PRDX2: variants seen among roughly 807,000 people sequenced by gnomAD.
PRDX2 encodes peroxiredoxin-2.
PRDX2 carries 10 observed loss-of-function variants against 19.8 expected under a neutral mutation model. That is an observed-to-expected ratio of 0.50 (90% CI 0.31 to 0.86). The LOEUF (loss-of-function observed/expected upper bound fraction) is 0.86. Among genes scored for constraint, PRDX2 ranks in the 40% least tolerant of loss-of-function variants. The pLI is 0.04. For missense variants in PRDX2, 226 were observed against 260.1 expected (o/e 0.87, Z 0.90); for synonymous variants, 118 against 108.2 (o/e 1.09, Z -0.56).
At chr19:12,798,652 CTTTTTTT>C (rs1014273912) in intron 5 of PRDX2, among the ~76,000 whole-genome samples, 1 of 95,164 alleles carries the variant, frequency 1.1e-5, no homozygotes, top group Non-Finnish European at 2.0e-5. Context: ...CATCTGGCCT[CTTTTTTT>C]TTTTTTTTTT....
intron 1 of PRDX2, 89 bp from the exon 2 acceptor site, chr19:12,801,359 TCAGCACGGCGGAGGCGA>T: frequency 1.5e-6 from 2 of 1,356,394 alleles, no homozygotes; most frequent in Non-Finnish European, 2.1e-6. Context: ...TATGACTGAG[TCAGCACGGCGGAGGCGA>T]CAGCACTAAC....
intron 5 of PRDX2, among the ~76,000 whole-genome samples, chr19:12,798,205 C>T (rs1193907750): frequency 2.0e-5 from 3 of 151,456 alleles, no homozygotes; most frequent in Non-Finnish European, 4.4e-5. Context: ...CCACCACGCC[C>T]GACTAATTTT....
chr19:12,797,189 A>G (rs768699877), intron 5 of PRDX2, 23 bp from the exon 6 acceptor site: 3 of 1,605,424 alleles, frequency 1.9e-6, no homozygotes, highest in Admixed American at 3.3e-5. Context: ...ACAAGGATGC[A>G]CATGAAGGCT....
chr19:12,797,644 TTTTC>T (rs1198956972), intron 5 of PRDX2, among the ~76,000 whole-genome samples: 12 of 146,412 alleles, frequency 8.2e-5, no homozygotes, highest in South Asian at 2.1e-4. Context: ...TTTTCTTCTT[TTTTC>T]TTTCTTTCTT....
At chr19:12,798,652 CTTTT>C (rs1014273912) in intron 5 of PRDX2, among the ~76,000 whole-genome samples, 6 of 95,158 alleles carry the variant, frequency 6.3e-5, no homozygotes, top group South Asian at 3.4e-4. Flanking sequence ...CATCTGGCCT[CTTTT>C]TTTTTTTTTT....
Position 12,797,656 on chromosome 19 carries a change from C to CTTTCTTTTTT in PRDX2, c.512-491_512-490insAAAAAAGAAA, listed in dbSNP as rs1321932913. On this transcript the variant is annotated intron_variant, in intron 5 of 5. Coordinates refer to ENST00000301522, the MANE Select transcript of PRDX2 (RefSeq NM_005809.6). The stretch of plus-strand genomic sequence containing the variant: ...TTCTTTTCTTCTTTTTTCTTTCTTT[C>CTTTCTTTTTT]TTTTTTTTTTTTTTTTTTTGAGACA... Among the ~76,000 whole-genome samples, 942 of 113,024 alleles carry CTTTCTTTTTT rather than the reference C, an allele frequency of 8.3e-3. 28 individuals are homozygous for CTTTCTTTTTT. Among genetic ancestry groups the CTTTCTTTTTT allele is most frequent in the African/African-American group, 0.032 (882 of 27,538 alleles). 74.1% of individuals were successfully genotyped at this position (113,024 alleles called of 152,430 possible). A position where few individuals can be genotyped will look rare whatever the true frequency, so the allele number is the denominator to read the frequency against.
rs1370887918 is a variant in PRDX2, at chr19:12,799,921, C to T, written c.449G>A (p.Arg150His). 1 of 1,613,886 alleles carries T rather than the reference C, an allele frequency of 6.2e-7. No individual in the cohort carries two copies. The highest frequency in any genetic ancestry group is 2.2e-5 in the East Asian group (1 of 44,876). Residue 150 changes from arginine (R) to histidine (H), a missense_variant, in exon 5 of 6, where the codon CGC becomes CAC. Coordinates refer to ENST00000301522, the MANE Select transcript of PRDX2 (RefSeq NM_005809.6). The part of the protein sequence containing the change: ...QITVNDLPVG[R>H]SVDEALRLVQ... ...CAGCCGCAGAGCCTCATCCACGGAG[C>T]GTCCCACAGGCAAATCATTAACAGT...
At chr19:12,798,122 G>T (rs1968825722) in intron 5 of PRDX2, among the ~76,000 whole-genome samples, 1 of 151,166 alleles carries the variant, frequency 6.6e-6, no homozygotes, top group South Asian at 2.1e-4. Flanking sequence ...TCTGCTCACT[G>T]CAAGCTCCGC....
chr19:12,798,542 G>T (rs1968833060), intron 5 of PRDX2, among the ~76,000 whole-genome samples: 1 of 151,530 alleles, frequency 6.6e-6, no homozygotes, highest in African/African-American at 2.4e-5. Flanking sequence ...GTAGAGACTG[G>T]GTTTCTCCAT....
At chr19:12,800,746 A>G in intron 3 of PRDX2, 170 bp downstream of exon 3, 1 of 1,518,066 alleles carries the variant, frequency 6.6e-7, no homozygotes, top group Non-Finnish European at 8.9e-7. Flanking sequence ...ACTAGTTGTC[A>G]AATGCTAATT....
Position 12,800,197 on chromosome 19 carries a change from T to G in PRDX2, c.360A>C (p.Thr120=). The G allele has an allele frequency of 1.2e-6, 2 of 1,613,896 alleles. No individual in the cohort carries two copies. The highest frequency in any genetic ancestry group is 1.7e-6 in the Non-Finnish European group (2 of 1,179,992). Residue 120 remains threonine (T), a synonymous_variant, in exon 4 of 6, where the codon ACA becomes ACC. Coordinates refer to ENST00000301522, the MANE Select transcript of PRDX2 (RefSeq NM_005809.6). ...AGTACCTGTAGGCAATGCCCTCATC[T>G]GTTTTCAGCACGCCGTAATCCTCAG... The part of the protein sequence containing the change: ...RLSEDYGVLK[T]DEGIAYRGLF...
At chr19:12,801,115 G>A (rs1408489946) in intron 2 of PRDX2, 44 bp downstream of exon 2, 2 of 1,613,776 alleles carry the variant, frequency 1.2e-6, no homozygotes. Context: ...CTTCTCTCAT[G>A]CACGGCCCCG....
At chr19:12,797,198 C>T (rs761696134) in intron 5 of PRDX2, 32 bp from the exon 6 acceptor site, 3 of 1,595,280 alleles carry the variant, frequency 1.9e-6, no homozygotes, top group Non-Finnish European at 2.6e-6. Context: ...CACATGAAGG[C>T]TACAGCCCCA....
At chr19:12,800,043 A>T in intron 4 of PRDX2, 54 bp from the exon 5 acceptor site, 3 of 1,606,578 alleles carry the variant, frequency 1.9e-6, no homozygotes, top group Non-Finnish European at 1.7e-6. Flanking sequence ...TGCCAGAGAC[A>T]AGGAAGGGAC....
In PRDX2 at chr19:12,797,059, A is replaced by C; in HGVS notation, c.*22T>G. On this transcript the variant is annotated 3_prime_UTR_variant, in exon 6 of 6. Transcript: ENST00000301522. ...GCACAGGCACCTAGGCAGGGGCACAAGCTCACTATCCGTTAGCCAGCCTAA... is the reference window on the plus strand; with the variant it reads ...GCACAGGCACCTAGGCAGGGGCACACGCTCACTATCCGTTAGCCAGCCTAA... The C allele has an allele frequency of 6.2e-7, 1 of 1,612,728 alleles. No homozygotes were observed. The highest frequency in any genetic ancestry group is 8.5e-7 in the Non-Finnish European group (1 of 1,179,472).
Position 12,800,951 on chromosome 19 carries a change from G to T in PRDX2, c.222C>A (p.Gly74=), listed in dbSNP as rs747415959. 6.2e-7 allele frequency: 1 copy of T among 1,611,436 alleles called. No individual in the cohort carries two copies. ...GGGTGAACTGAGAGTCCACCGAGAC[G>T]CCCAGCACTTCACAGCCCAGCTTGC... is the stretch of plus-strand genomic sequence containing the variant. ...DFRKLGCEVL[G]VSVDSQFTHL... is the part of the protein sequence containing the mutation. The change falls in exon 3 of 6, where the codon GGC becomes GGA. Residue 74 remains glycine (G), a synonymous_variant. Coordinates refer to ENST00000301522, the MANE Select transcript of PRDX2 (RefSeq NM_005809.6).
chr19:12,799,977 G>C lies in PRDX2; in HGVS notation c.393C>G (p.Ile131Met), dbSNP rs1968859277. The C allele has an allele frequency of 6.2e-7, 1 of 1,613,808 alleles. No homozygotes were observed. Among genetic ancestry groups the C allele is most frequent in the South Asian group, 1.1e-5 (1 of 91,050 alleles). ...GGCGAAGGACACCCTTGCCATCGAT[G>C]ATAAAGAGGCCCCTGAAGACATCAG... ...DEGIAYRGLF[I>M]IDGKGVLRQI... Residue 131 changes from isoleucine to methionine, a missense_variant, in exon 5 of 6, where the codon ATC (isoleucine) becomes ATG (methionine). Ile to Met is a conservative substitution (Grantham distance 10, BLOSUM62 1). Transcript: ENST00000301522.
intron 3 of PRDX2, chr19:12,800,577 T>C (rs535555948): frequency 1.0e-6 from 1 of 954,592 alleles, no homozygotes; most frequent in Admixed American, 3.0e-5. Context: ...AGAGTCCCCA[T>C]CCTCCTCTAG....
chr19:12,799,252 C>G (rs1968847482), intron 5 of PRDX2, among the ~76,000 whole-genome samples: 1 of 152,092 alleles, frequency 6.6e-6, no homozygotes, highest in African/African-American at 2.4e-5. Context: ...GGCTGGAGTG[C>G]AGTGGTGCGA....
Sources: gnomAD v4.1 joint callset for allele counts (sites outside exome capture counted in the v4.1 genomes callset) on GRCh38, gnomAD v4.1.1 for gene constraint, MANE v1.5 for transcripts, NCBI Gene and HGNC (gene_info 2026-07-23, HGNC 2026-07-21) for gene names.